KCNIP1: variants seen among roughly 807,000 people sequenced by gnomAD.
KCNIP1 encodes A-type potassium channel modulatory protein KCNIP1.
Under a neutral mutation model 33.0 loss-of-function variants are expected in KCNIP1, and 18 were observed. The ratio of observed to expected loss-of-function variants is 0.55; its 90% CI spans 0.38 to 0.81. The LOEUF is 0.81. KCNIP1 is among the 30% of genes least tolerant of loss of function. KCNIP1 has a pLI of 0.00. For missense variants in KCNIP1, 238 were observed against 271.6 expected, an observed-to-expected ratio of 0.88 and a Z score of 0.87; for synonymous variants, 93 against 98.3, an observed-to-expected ratio of 0.95 and a Z score of 0.32.
chr5:170,679,372 C>T (rs984604981), intron 1 of KCNIP1: 2 of 152,208 alleles, frequency 1.3e-5, no homozygotes, highest in African/African-American at 4.8e-5. Flanking sequence ...TGGAGAGACA[C>T]AGAGCAGGGA....
chr5:170,695,924 C>T (rs1581511995), intron 1 of KCNIP1, among the ~76,000 whole-genome samples: 2 of 150,912 alleles, frequency 1.3e-5, no homozygotes, highest in Admixed American at 1.3e-4. Flanking sequence ...AAGGCTGAGG[C>T]AGGAGAATTG....
intron 1 of KCNIP1, among the ~76,000 whole-genome samples, chr5:170,475,748 C>A (rs1756843881): frequency 6.6e-6 from 1 of 152,152 alleles, no homozygotes; most frequent in Non-Finnish European, 1.5e-5. Context: ...AGCCCACCTC[C>A]ATGTCCTCCC....
At chr5:170,668,606 A>G (rs182541055) in intron 1 of KCNIP1, among the ~76,000 whole-genome samples, 1 of 152,254 alleles carries the variant, frequency 6.6e-6, no homozygotes, top group East Asian at 1.9e-4. Context: ...TACAGACGGC[A>G]TGCTTGGCTC....
chr5:170,418,060 C>T (rs983845681), intron 1 of KCNIP1, among the ~76,000 whole-genome samples: 2 of 152,214 alleles, frequency 1.3e-5, no homozygotes, highest in African/African-American at 4.8e-5. Context: ...TCACCTTTCT[C>T]CACCCCTCCT....
intron 1 of KCNIP1, among the ~76,000 whole-genome samples, chr5:170,686,535 G>A (rs896967393): frequency 2.0e-5 from 3 of 152,050 alleles, no homozygotes; most frequent in African/African-American, 7.2e-5. Context: ...TTTTTGTCCC[G>A]CATTCTCCAG....
At chr5:170,484,784 A>C (rs115101115) in intron 1 of KCNIP1, among the ~76,000 whole-genome samples, 4 of 137,500 alleles carry the variant, frequency 2.9e-5, no homozygotes, top group African/African-American at 1.1e-4. Flanking sequence ...CCACCTTTCC[A>C]CCCTCTCTCT....
intron 1 of KCNIP1, among the ~76,000 whole-genome samples, chr5:170,479,584 T>G (rs551636024): frequency 6.6e-6 from 1 of 152,268 alleles, no homozygotes; most frequent in South Asian, 2.1e-4. Context: ...AGAATCGCCA[T>G]AGTAAAATGC....
intron 1 of KCNIP1, among the ~76,000 whole-genome samples, chr5:170,540,344 G>A (rs992051436): frequency 1.3e-5 from 2 of 152,198 alleles, no homozygotes; most frequent in African/African-American, 4.8e-5. Context: ...GTCTCAAAAG[G>A]TATGTTGAGG....
At chr5:170,591,893 G>A (rs1325836695) in intron 1 of KCNIP1, among the ~76,000 whole-genome samples, 1 of 152,158 alleles carries the variant, frequency 6.6e-6, no homozygotes, top group Non-Finnish European at 1.5e-5. Context: ...TGTGCATAAT[G>A]CTGCTATACA....
chr5:170,622,051 A>G (rs1759624395), intron 1 of KCNIP1, among the ~76,000 whole-genome samples: 1 of 152,116 alleles, frequency 6.6e-6, no homozygotes, highest in Admixed American at 6.5e-5. Context: ...CCTTGTCTAG[A>G]AAACAACAAA....
chr5:170,591,549 C>T (rs1758262799), intron 1 of KCNIP1, among the ~76,000 whole-genome samples: 1 of 152,180 alleles, frequency 6.6e-6, no homozygotes, highest in Admixed American at 6.5e-5. Flanking sequence ...CCATCTGTCT[C>T]TAGAATGTTC....
chr5:170,560,878 C>T (rs2113453853), intron 1 of KCNIP1, among the ~76,000 whole-genome samples: 1 of 152,272 alleles, frequency 6.6e-6, no homozygotes. Flanking sequence ...CCATTTCCTT[C>T]TCCTCTCCCA....
chr5:170,602,525 G>A (rs1758735712), intron 1 of KCNIP1, among the ~76,000 whole-genome samples: 1 of 152,250 alleles, frequency 6.6e-6, no homozygotes, highest in African/African-American at 2.4e-5. Flanking sequence ...CGTGCAGTTT[G>A]TGACTTTTAA....
At chr5:170,514,058 G>C (rs1437269743) in intron 1 of KCNIP1, among the ~76,000 whole-genome samples, 2 of 152,142 alleles carry the variant, frequency 1.3e-5, no homozygotes, top group African/African-American at 4.8e-5. Flanking sequence ...CCACCACCTG[G>C]GCTCCTGCCT....
chr5:170,483,923 G>C (rs1268468326), intron 1 of KCNIP1: 2 of 152,238 alleles, frequency 1.3e-5, no homozygotes, highest in African/African-American at 4.8e-5. Flanking sequence ...GACAGCCTGG[G>C]GGAATTGAGT....
chr5:170,679,181 T>C (rs1762243982), intron 1 of KCNIP1: 1 of 152,218 alleles, frequency 6.6e-6, no homozygotes, highest in African/African-American at 2.4e-5. Context: ...AACACTGATG[T>C]GTAGCATTTC....
At chr5:170,391,499 C>T (rs970572933) in intron 1 of KCNIP1, among the ~76,000 whole-genome samples, 4 of 152,124 alleles carry the variant, frequency 2.6e-5, no homozygotes, top group African/African-American at 7.2e-5. Flanking sequence ...TTGCTGGCTG[C>T]GGGGTTGTGT....
intron 3 of KCNIP1, among the ~76,000 whole-genome samples, chr5:170,720,653 A>G (rs1387009052): frequency 2.0e-5 from 3 of 152,232 alleles, no homozygotes; most frequent in Non-Finnish European, 4.4e-5. Context: ...GAAAGCAGGT[A>G]TTATAATCCC....
chr5:170,538,482 C>T (rs138694401), intron 1 of KCNIP1, among the ~76,000 whole-genome samples: 19 of 152,172 alleles, frequency 1.2e-4, no homozygotes, highest in East Asian at 3.9e-4. Context: ...TCACACCAGG[C>T]TTGTGGCCTT....
Sources: gnomAD v4.1 joint callset for allele counts (sites outside exome capture counted in the v4.1 genomes callset) on GRCh38, gnomAD v4.1.1 for gene constraint, MANE v1.5 for transcripts, NCBI Gene and HGNC (gene_info 2026-07-23, HGNC 2026-07-21) for gene names.